The following SPATA17 variants were observed in gnomAD, a reference collection of about 807,000 sequenced individuals.
SPATA17 encodes spermatogenesis-associated protein 17.
In SPATA17, 53 loss-of-function variants were observed where a neutral mutation model predicts 62.2. That is an observed-to-expected ratio of 0.85 (90% confidence interval 0.68 to 1.07). SPATA17 has a LOEUF of 1.07. Among genes scored for constraint, SPATA17 ranks in the 50% least tolerant of loss-of-function variants. The pLI, the probability that SPATA17 is intolerant of heterozygous loss-of-function variation, is 0.00. For synonymous variants in SPATA17, 146 were observed against 146.8 expected (o/e 0.99, Z 0.04); for missense variants, 466 against 425.5 (o/e 1.10, Z -0.84).
intron 9 of SPATA17, among the ~76,000 whole-genome samples, chr1:217,852,927 T>A (rs550930651): frequency 1.3e-5 from 2 of 152,232 alleles, no homozygotes; most frequent in South Asian, 4.1e-4. Context: ...CACTACCCTG[T>A]CTTATGTTCA....
rs1359122530 is a variant in SPATA17 at position 217,713,467 on chromosome 1, C to T, written c.396-28508C>T. On this transcript the variant is annotated intron_variant, in intron 5 of 10. Transcript: ENST00000366933. ...AAGAGATGACTCATTAGGGCACCCG[C>T]AAACACCAGGTCTTTCTTTAAGAAG... 2.6e-5 allele frequency among the ~76,000 whole-genome samples: 4 copies of T among 152,294 alleles called. No individual in the cohort carries two copies. In the East Asian group the frequency reaches 7.7e-4, roughly 29 times the overall value.
chr1:217,702,170 AC>A (rs1307038966), intron 5 of SPATA17, among the ~76,000 whole-genome samples: 1 of 151,908 alleles, frequency 6.6e-6, no homozygotes, highest in Non-Finnish European at 1.5e-5. Context: ...CTATAATTAA[AC>A]CTTTTTTAAC....
intron 5 of SPATA17, among the ~76,000 whole-genome samples, chr1:217,730,322 A>G (rs1053162304): frequency 1.3e-5 from 2 of 151,790 alleles, no homozygotes; most frequent in Non-Finnish European, 2.9e-5. Context: ...GGTTCCAGCA[A>G]TTCTCCTGCC....
rs547674438 is a variant in SPATA17 at position 217,646,411 on chromosome 1, A to T, written c.69-2471A>T. On this transcript the variant is annotated intron_variant, in intron 1 of 10. Transcript: ENST00000366933. ...TATAGATGTTTGTATCATTTCAAATACTCATCTCTCAGTTTATTTTATGGT... is the reference window on the plus strand; with the variant it reads ...TATAGATGTTTGTATCATTTCAAATTCTCATCTCTCAGTTTATTTTATGGT... 3.1e-4 allele frequency among the ~76,000 whole-genome samples: 47 copies of T among 152,150 alleles called. 1 individual carries two copies. The highest frequency in any genetic ancestry group is 9.6e-4 in the African/African-American group (40 of 41,500).
intron 7 of SPATA17, among the ~76,000 whole-genome samples, chr1:217,779,888 A>G (rs754074187): frequency 2.0e-5 from 3 of 152,118 alleles, no homozygotes; most frequent in Non-Finnish European, 4.4e-5. Flanking sequence ...AATAACATGA[A>G]TTATGGAAAA....
chr1:217,716,422 A>G (rs1672005259), intron 5 of SPATA17, among the ~76,000 whole-genome samples: 1 of 152,210 alleles, frequency 6.6e-6, no homozygotes, highest in Non-Finnish European at 1.5e-5. Flanking sequence ...TCGACTCTTC[A>G]GAATTTTCAC....
intron 9 of SPATA17, among the ~76,000 whole-genome samples, chr1:217,803,304 C>T (rs1274794954): frequency 6.6e-6 from 1 of 152,110 alleles, no homozygotes; most frequent in Non-Finnish European, 1.5e-5. Flanking sequence ...GGCATCCACA[C>T]TGGAAAGGAA....
At chr1:217,686,445 A>T (rs1671216016) in intron 5 of SPATA17, among the ~76,000 whole-genome samples, 3 of 152,108 alleles carry the variant, frequency 2.0e-5, no homozygotes, top group Non-Finnish European at 2.9e-5. Flanking sequence ...ATTTCTCATT[A>T]TTTAATTTGC....
intron 5 of SPATA17, among the ~76,000 whole-genome samples, chr1:217,702,032 G>GTA (rs10631525): frequency 0.31 from 45,620 of 147,664 alleles, 7,261 homozygotes; most frequent in Non-Finnish European, 0.38. Flanking sequence ...AAAATTTGGT[G>GTA]TATATATATA....
intron 1 of SPATA17, among the ~76,000 whole-genome samples, chr1:217,636,199 A>G (rs1204205012): frequency 6.6e-6 from 1 of 152,042 alleles, no homozygotes; most frequent in African/African-American, 2.4e-5. Context: ...GTCTATAAAA[A>G]CAATAAATAA....
At chr1:217,743,797 T>C (rs1672680423) in intron 6 of SPATA17, among the ~76,000 whole-genome samples, 1 of 151,998 alleles carries the variant, frequency 6.6e-6, no homozygotes, top group African/African-American at 2.4e-5. Flanking sequence ...TTAATAGAGA[T>C]GAGGTTTCAC....
Position 217,651,123 on chromosome 1 carries a change from T to C in SPATA17, c.185T>C (p.Ile62Thr), listed in dbSNP as rs759955721. The C allele has an allele frequency of 8.1e-6, 13 of 1,609,166 alleles. No individual in the cohort carries two copies. Among genetic ancestry groups the C allele is most frequent in the East Asian group, 2.2e-5 (1 of 44,682 alleles). Residue 62 changes from isoleucine to threonine, a missense_variant, in exon 3 of 11, where the codon ATT becomes ACT. Coordinates refer to ENST00000366933, the MANE Select transcript of SPATA17 (RefSeq NM_138796.4). Reference sequence around the variant, plus strand: ...CATTTAAACAGGATTGTAACAATTATTCAAAAATGGTGGAGAAGTTTCTTA... The same window carrying C: ...CATTTAAACAGGATTGTAACAATTACTCAAAAATGGTGGAGAAGTTTCTTA... Reference protein sequence around the residue: ...IRHLNRIVTIIQKWWRSFLGR... With the variant: ...IRHLNRIVTITQKWWRSFLGR...
intron 6 of SPATA17, among the ~76,000 whole-genome samples, chr1:217,765,127 A>G (rs1272674289): frequency 6.6e-6 from 1 of 151,110 alleles, no homozygotes; most frequent in African/African-American, 2.4e-5. Context: ...CTTCCCTTTC[A>G]TTTCTGATAT....
chr1:217,663,200 T>C (rs991551840), intron 3 of SPATA17, among the ~76,000 whole-genome samples: 1 of 151,956 alleles, frequency 6.6e-6, no homozygotes, highest in Non-Finnish European at 1.5e-5. Flanking sequence ...ATCCCAGCAG[T>C]TTGGGAGGCC....
At chr1:217,687,910 A>G (rs1571731792) in intron 5 of SPATA17, among the ~76,000 whole-genome samples, 1 of 152,028 alleles carries the variant, frequency 6.6e-6, no homozygotes, top group Admixed American at 6.6e-5. Context: ...ACTCTTTCTA[A>G]CTTCTCTCAT....
intron 5 of SPATA17, among the ~76,000 whole-genome samples, chr1:217,696,550 A>C (rs1164666066): frequency 1.3e-5 from 2 of 152,116 alleles, no homozygotes; most frequent in South Asian, 4.1e-4. Context: ...CCTTTTTAAA[A>C]TTTGCCTAAT....
intron 6 of SPATA17, among the ~76,000 whole-genome samples, chr1:217,748,173 A>G (rs916575705): frequency 1.1e-4 from 17 of 151,642 alleles, no homozygotes; most frequent in Non-Finnish European, 2.1e-4. Flanking sequence ...CATGGTGGCG[A>G]GCGCCTGTAG....
intron 5 of SPATA17, among the ~76,000 whole-genome samples, chr1:217,700,324 C>T (rs1267562004): frequency 6.6e-6 from 1 of 151,972 alleles, no homozygotes; most frequent in Non-Finnish European, 1.5e-5. Flanking sequence ...TGTCTTAGTT[C>T]TATTATTTTC....
At chr1:217,837,986 A>T (rs1675301331) in intron 9 of SPATA17, among the ~76,000 whole-genome samples, 1 of 152,130 alleles carries the variant, frequency 6.6e-6, no homozygotes, top group African/African-American at 2.4e-5. Flanking sequence ...CTGAATTGAG[A>T]TGTGTTGTAA....
Sources: gnomAD v4.1 joint callset for allele counts (sites outside exome capture counted in the v4.1 genomes callset) on GRCh38, gnomAD v4.1.1 for gene constraint, MANE v1.5 for transcripts, NCBI Gene and HGNC (gene_info 2026-07-23, HGNC 2026-07-21) for gene names.